The following TRIM5 variants were observed in gnomAD, a reference collection of about 807,000 sequenced individuals.
TRIM5 encodes tripartite motif-containing protein 5.
TRIM5 carries 31 observed loss-of-function variants against 35.6 expected under a neutral mutation model. The observed-to-expected ratio is 0.87, with a 90% CI of 0.65 to 1.18. TRIM5 has a LOEUF of 1.18. Among genes scored for constraint, TRIM5 ranks in the 50% most tolerant of loss-of-function variants. The pLI is 0.00. For missense variants in TRIM5, 609 were observed against 591.6 expected (o/e 1.03, Z -0.31); for synonymous variants, 243 against 215.6 (o/e 1.13, Z -1.11).
the TRIM5 span, among the ~76,000 whole-genome samples, chr11:5,598,893 A>C: frequency 9.2e-5 from 14 of 152,228 alleles, no homozygotes; most frequent in South Asian, 2.7e-3. Context: ...CACCACCATG[A>C]TCATGATACA....
At chr11:5,662,308 T>C (rs1007127806), downstream of TRIM5, among the ~76,000 whole-genome samples, 1 of 152,084 alleles carries the variant, frequency 6.6e-6, no homozygotes, top group African/African-American at 2.4e-5. Context: ...TGGGAAAGAG[T>C]TGGAAATAAA....
chr11:5,680,079 G>A lies in TRIM5; in HGVS notation c.99C>T (p.Ser33=), dbSNP rs565385484. 2 of 1,614,170 alleles carry A rather than the reference G, an allele frequency of 1.2e-6. No individual in the cohort carries two copies. The highest frequency in any genetic ancestry group is 1.7e-5 in the Admixed American group (1 of 60,024). ...TTGCAGTGAGGCATGCTTGGCAGAA[G>A]CTGTGGCCGCAGTCCAGGCTCAGGG... ...TQPLSLDCGH[S]FCQACLTANH... is the part of the protein sequence containing the mutation. Residue 33 remains serine (S), a synonymous_variant, in exon 2 of 8, where the codon AGC becomes AGT. Transcript: ENST00000380034.
chr11:5,649,291 T>G, the TRIM5 span, among the ~76,000 whole-genome samples: 1 of 152,218 alleles, frequency 6.6e-6, no homozygotes, highest in Non-Finnish European at 1.5e-5. Context: ...CATATTCTCT[T>G]TCCTCTCAGC....
the TRIM5 span, chr11:5,608,280 A>G: frequency 1.5e-5 from 24 of 1,559,194 alleles, no homozygotes; most frequent in Admixed American, 5.5e-5. Context: ...CTTTATTTGT[A>G]TCATATCATG....
At chr11:5,627,108 T>G in the TRIM5 span, among the ~76,000 whole-genome samples, 2 of 152,052 alleles carry the variant, frequency 1.3e-5, no homozygotes, top group Non-Finnish European at 2.9e-5. Context: ...GTGGGCACAG[T>G]AGCTCACACC....
chr11:5,632,256 C>T, the TRIM5 span: 1 of 1,594,060 alleles, frequency 6.3e-7, no homozygotes, highest in Non-Finnish European at 8.5e-7. Context: ...TCTTCTCAGC[C>T]ATCCAGGGGT....
the TRIM5 span, among the ~76,000 whole-genome samples, chr11:5,621,181 A>G: frequency 2.0e-5 from 3 of 152,194 alleles, no homozygotes; most frequent in African/African-American, 7.2e-5. Context: ...GAGGCTCTGG[A>G]TCACTCCAGG....
intron 4 of TRIM5, among the ~76,000 whole-genome samples, chr11:5,676,609 G>C (rs1852001697): frequency 6.6e-6 from 1 of 151,536 alleles, no homozygotes; most frequent in African/African-American, 2.4e-5. Flanking sequence ...CTACTTTAAA[G>C]TTCATATGGA....
chr11:5,642,429 A>G, the TRIM5 span: 63 of 1,613,528 alleles, frequency 3.9e-5, no homozygotes, highest in Middle Eastern at 3.6e-4. Context: ...AGGCTGAAAA[A>G]GCCAAAAATG....
the TRIM5 span, chr11:5,604,413 C>T: frequency 4.5e-6 from 5 of 1,100,832 alleles, 1 homozygote; most frequent in East Asian, 1.3e-4. Context: ...CTCAAGTTTT[C>T]ATCCTAGGTT....
chr11:5,677,856 T>G (rs1185012423), intron 4 of TRIM5: 1 of 186,314 alleles, frequency 5.4e-6, no homozygotes, highest in Non-Finnish European at 1.1e-5. Context: ...AAAAGCATCT[T>G]GTATTTTGAC....
At chr11:5,628,078 C>T in the TRIM5 span, among the ~76,000 whole-genome samples, 1 of 152,192 alleles carries the variant, frequency 6.6e-6, no homozygotes, top group Non-Finnish European at 1.5e-5. Context: ...GGGCTTGAGC[C>T]ACACTGGGAA....
intron 1 of TRIM5, among the ~76,000 whole-genome samples, chr11:5,680,622 G>T (rs1392857412): frequency 6.6e-6 from 1 of 152,144 alleles, no homozygotes; most frequent in Non-Finnish European, 1.5e-5. Flanking sequence ...ATGCCTCAGG[G>T]CTTTCACATT....
chr11:5,667,819 G>T, intron 4 of TRIM5, 108 bp from the exon 5 acceptor site: 1 of 1,252,480 alleles, frequency 8.0e-7, no homozygotes, highest in South Asian at 1.4e-5. Context: ...TGGAGATGGT[G>T]ACAGTGTGAA....
downstream of TRIM5, among the ~76,000 whole-genome samples, chr11:5,661,999 G>T (rs1480452257): frequency 6.6e-6 from 1 of 152,202 alleles, no homozygotes; most frequent in African/African-American, 2.4e-5. Context: ...ATTCAAGCTA[G>T]TCCAGACTGT....
chr11:5,631,449 C>A, the TRIM5 span, among the ~76,000 whole-genome samples: 1 of 152,142 alleles, frequency 6.6e-6, no homozygotes, highest in African/African-American at 2.4e-5. Context: ...ATTTATTCAT[C>A]TGAAGAAAGG....
At chr11:5,599,771 C>A in the TRIM5 span, among the ~76,000 whole-genome samples, 1 of 152,182 alleles carries the variant, frequency 6.6e-6, no homozygotes, top group South Asian at 2.1e-4. Context: ...CTAGTGCCAA[C>A]ATCAAGGCCA....
the TRIM5 span, among the ~76,000 whole-genome samples, chr11:5,595,738 G>C: frequency 7.0e-6 from 1 of 142,906 alleles, no homozygotes; most frequent in African/African-American, 2.5e-5. Flanking sequence ...TTTTTTTTGA[G>C]AGAGAGTCTC....
chr11:5,651,829 T>G, the TRIM5 span, among the ~76,000 whole-genome samples: 1 of 152,224 alleles, frequency 6.6e-6, no homozygotes, highest in East Asian at 1.9e-4. Context: ...TTTTTAATAA[T>G]AGCCATTTAG....
Sources: gnomAD v4.1 joint callset for allele counts (sites outside exome capture counted in the v4.1 genomes callset) on GRCh38, gnomAD v4.1.1 for gene constraint, MANE v1.5 for transcripts, NCBI Gene and HGNC (gene_info 2026-07-23, HGNC 2026-07-21) for gene names.